Variants in KCTD16 observed in about 807,000 individuals in gnomAD.
KCTD16 encodes BTB/POZ domain-containing protein KCTD16.
In KCTD16, 13 loss-of-function variants were observed where a neutral mutation model predicts 33.2. That is an observed-to-expected ratio of 0.39 (90% CI 0.25 to 0.62). KCTD16 has a LOEUF of 0.62. Ranked by LOEUF, KCTD16 falls within the 20% of genes least tolerant of loss-of-function variation. The probability of loss-of-function intolerance (pLI) is 0.50; values close to 1 mark genes in which losing one functional copy is unlikely to be tolerated. For synonymous variants in KCTD16, 197 were observed against 195.3 expected (o/e 1.01, Z -0.07); for missense variants, 441 against 525.1 (o/e 0.84, Z 1.57).
intron 3 of KCTD16, among the ~76,000 whole-genome samples, chr5:144,311,589 C>T (rs905486384): frequency 1.3e-5 from 2 of 152,094 alleles, no homozygotes; most frequent in Non-Finnish European, 2.9e-5. Flanking sequence ...GAAGTCTTTA[C>T]CTCAAAGAAT....
intron 2 of KCTD16, among the ~76,000 whole-genome samples, chr5:144,202,972 C>T (rs796842121): frequency 1.3e-4 from 20 of 152,246 alleles, no homozygotes; most frequent in East Asian, 3.9e-4. Flanking sequence ...ACATGGCCCC[C>T]GCACCTGTTC....
chr5:144,281,621 C>T (rs1755611278), intron 3 of KCTD16, among the ~76,000 whole-genome samples: 2 of 152,028 alleles, frequency 1.3e-5, no homozygotes, highest in African/African-American at 4.8e-5. Context: ...TGGCCTGTCT[C>T]ATTGAAATTT....
intron 3 of KCTD16, among the ~76,000 whole-genome samples, chr5:144,230,436 G>A (rs1405339545): frequency 6.6e-6 from 1 of 152,170 alleles, no homozygotes; most frequent in Non-Finnish European, 1.5e-5. Context: ...TAGGCATGCT[G>A]AAAGGTGTGA....
intron 3 of KCTD16, among the ~76,000 whole-genome samples, chr5:144,271,822 G>A (rs1414833344): frequency 2.7e-5 from 4 of 150,770 alleles, no homozygotes; most frequent in Non-Finnish European, 5.9e-5. Flanking sequence ...TTAGACAGCA[G>A]GATACAAAGT....
At chr5:144,397,309 A>C (rs1752595421) in intron 3 of KCTD16, among the ~76,000 whole-genome samples, 1 of 152,032 alleles carries the variant, frequency 6.6e-6, no homozygotes, top group Non-Finnish European at 1.5e-5. Flanking sequence ...ACATTTTCTT[A>C]ATCCAGTCTA....
At chr5:144,281,884 T>C (rs562016597) in intron 3 of KCTD16, among the ~76,000 whole-genome samples, 2 of 152,368 alleles carry the variant, frequency 1.3e-5, no homozygotes, top group Admixed American at 1.3e-4. Context: ...GGTACAAACA[T>C]ACTTAGGATT....
chr5:144,259,101 AC>A (rs1380147653), intron 3 of KCTD16, among the ~76,000 whole-genome samples: 1 of 152,066 alleles, frequency 6.6e-6, no homozygotes, highest in Non-Finnish European at 1.5e-5. Flanking sequence ...TACTAAAAAT[AC>A]AAAAAATTAG....
At chr5:144,249,705 T>A (rs1650490198) in intron 3 of KCTD16, among the ~76,000 whole-genome samples, 1 of 152,224 alleles carries the variant, frequency 6.6e-6, no homozygotes, top group African/African-American at 2.4e-5. Flanking sequence ...GGTTTTTGTA[T>A]TAACAATACA....
intron 3 of KCTD16, among the ~76,000 whole-genome samples, chr5:144,275,700 A>G (rs1335725293): frequency 2.0e-5 from 3 of 152,196 alleles, no homozygotes; most frequent in Non-Finnish European, 4.4e-5. Flanking sequence ...GTTTGGGAAC[A>G]CTGAACGGCG....
At chr5:144,217,393 C>A (rs771276577) in intron 3 of KCTD16, among the ~76,000 whole-genome samples, 1 of 151,896 alleles carries the variant, frequency 6.6e-6, no homozygotes, top group Non-Finnish European at 1.5e-5. Flanking sequence ...TGTCAAGCTG[C>A]AACAAAATAA....
rs1752139887 is a variant in KCTD16, at chr5:144,378,405, A to T, written c.833-95255A>T. ...ATAAGTAGTTTACAGGATTTGAATC[A>T]ATACTATTTTTTATTTCTTCTAAAG... On this transcript the variant is annotated intron_variant, in intron 3 of 3. Coordinates refer to ENST00000512467, the MANE Select transcript of KCTD16 (RefSeq NM_020768.4). Among the ~76,000 whole-genome samples, 2 of 152,154 alleles carry T rather than the reference A, an allele frequency of 1.3e-5. 1 individual carries two copies. Among genetic ancestry groups the T allele is most frequent in the South Asian group, 4.1e-4 (2 of 4,832 alleles).
intron 2 of KCTD16, among the ~76,000 whole-genome samples, chr5:144,178,501 A>T (rs1159459412): frequency 2.0e-5 from 3 of 152,308 alleles, no homozygotes; most frequent in African/African-American, 7.2e-5. Context: ...TTAGATCTAG[A>T]AGTCAAAGAT....
chr5:144,446,811 C>T (rs1011553869), intron 3 of KCTD16, among the ~76,000 whole-genome samples: 2 of 152,092 alleles, frequency 1.3e-5, no homozygotes, highest in Admixed American at 1.3e-4. Flanking sequence ...AAAAAAAGCT[C>T]ATCATCACTG....
At chr5:144,360,502 G>A (rs892514456) in intron 3 of KCTD16, among the ~76,000 whole-genome samples, 4 of 151,588 alleles carry the variant, frequency 2.6e-5, no homozygotes, top group African/African-American at 9.7e-5. Flanking sequence ...GGTGATCTCA[G>A]CTCACTGCAA....
chr5:144,365,363 T>C (rs1751809534), intron 3 of KCTD16, among the ~76,000 whole-genome samples: 1 of 152,180 alleles, frequency 6.6e-6, no homozygotes, highest in Non-Finnish European at 1.5e-5. Flanking sequence ...ATAATATTTA[T>C]TTATTTATTC....
chr5:144,453,952 T>G (rs1176657644), intron 3 of KCTD16, among the ~76,000 whole-genome samples: 1 of 152,288 alleles, frequency 6.6e-6, no homozygotes, highest in Non-Finnish European at 1.5e-5. Context: ...TCAGACTATC[T>G]GTGTAACACC....
chr5:144,230,420 A>C (rs1015817067), intron 3 of KCTD16, among the ~76,000 whole-genome samples: 2 of 152,210 alleles, frequency 1.3e-5, no homozygotes, highest in African/African-American at 4.8e-5. Flanking sequence ...CAAAGATGGA[A>C]ATCTTTAGGC....
chr5:144,254,887 G>A (rs1754804373), intron 3 of KCTD16, among the ~76,000 whole-genome samples: 1 of 152,014 alleles, frequency 6.6e-6, no homozygotes, highest in African/African-American at 2.4e-5. Context: ...AACCTCTCAA[G>A]TAGCTGGGAC....
intron 3 of KCTD16, among the ~76,000 whole-genome samples, chr5:144,337,750 G>C (rs1400235556): frequency 1.3e-5 from 2 of 152,210 alleles, no homozygotes; most frequent in African/African-American, 2.4e-5. Context: ...TCAGCTCTCT[G>C]TTCCATTACC....
Sources: allele counts gnomAD v4.1 joint callset (sites outside exome capture counted in the v4.1 genomes callset), GRCh38; gene constraint gnomAD v4.1.1; transcripts MANE v1.5; gene names NCBI Gene and HGNC (gene_info 2026-07-23, HGNC 2026-07-21).